PIAS1: variants seen among roughly 807,000 people sequenced by gnomAD.
The protein encoded by PIAS1 is protein inhibitor of activated STAT 1.
Under a neutral mutation model 71.3 loss-of-function variants are expected in PIAS1, and 6 were observed. That is an observed-to-expected ratio of 0.08 (90% CI 0.05 to 0.17). The LOEUF (loss-of-function observed/expected upper bound fraction) is 0.17. PIAS1 is among the 10% of genes least tolerant of loss of function. The pLI is 1.00. For synonymous variants in PIAS1, 303 were observed against 292.9 expected, an observed-to-expected ratio of 1.03 and a Z score of -0.35; for missense variants, 555 against 793.6, an observed-to-expected ratio of 0.70 and a Z score of 3.61.
In PIAS1 at chr15:68,098,244, A is replaced by G. The variant is rs1473432481; in HGVS notation, c.469+11494A>G. Among the ~76,000 whole-genome samples, 4 of 152,194 alleles carry G rather than the reference A, an allele frequency of 2.6e-5. No homozygotes were observed. In the East Asian group the frequency reaches 7.7e-4, roughly 29 times the overall value. ...TAACATAAACAGTTGATTAACACGT[A>G]TTTTGTATATGTATGTATTGTGTAC... On this transcript the variant is annotated intron_variant, in intron 2 of 13. Transcript: ENST00000249636.
intron 2 of PIAS1, among the ~76,000 whole-genome samples, chr15:68,111,856 A>G (rs2092525422): frequency 6.6e-6 from 1 of 152,180 alleles, no homozygotes; most frequent in South Asian, 2.1e-4. Flanking sequence ...ACTGTTAGAA[A>G]CAATTTGTGT....
chr15:68,090,927 G>GGTGTGTGTGTGTGTGT (rs10667510), intron 2 of PIAS1, among the ~76,000 whole-genome samples: 141 of 142,854 alleles, frequency 9.9e-4, no homozygotes, highest in East Asian at 4.0e-3. Context: ...GTCATTTACG[G>GGTGTGTGTGTGTGTGT]GTGTGTGTGT....
intron 1 of PIAS1, among the ~76,000 whole-genome samples, chr15:68,084,231 C>T (rs2092257869): frequency 6.6e-6 from 1 of 152,090 alleles, no homozygotes; most frequent in Non-Finnish European, 1.5e-5. Context: ...AAATAGTTCT[C>T]TTCAAAATTT....
At chr15:68,161,673 A>G (rs2092925490) in intron 7 of PIAS1, among the ~76,000 whole-genome samples, 1 of 152,070 alleles carries the variant, frequency 6.6e-6, no homozygotes, top group Non-Finnish European at 1.5e-5. Context: ...GGCTATGCCC[A>G]TATTCCCAAT....
chr15:68,182,057 G>C (rs2093056512), intron 12 of PIAS1, among the ~76,000 whole-genome samples: 2 of 152,084 alleles, frequency 1.3e-5, no homozygotes, highest in Non-Finnish European at 2.9e-5. Flanking sequence ...TTTAGATAAT[G>C]GTGAGTTGAG....
chr15:68,070,023 C>T (rs1477243553), intron 1 of PIAS1, among the ~76,000 whole-genome samples: 5 of 151,952 alleles, frequency 3.3e-5, no homozygotes, highest in Non-Finnish European at 7.4e-5. Context: ...TATATGCTTC[C>T]TAAAGGTAGT....
At chr15:68,158,072 A>G (rs1002572435) in intron 7 of PIAS1, among the ~76,000 whole-genome samples, 4 of 152,186 alleles carry the variant, frequency 2.6e-5, no homozygotes, top group Non-Finnish European at 5.9e-5. Context: ...ATACAGATCT[A>G]AAATCTTACC....
In PIAS1 at chr15:68,086,010, A is replaced by C. The variant is rs1192992645; in HGVS notation, c.25-296A>C. ...AGTAAGTGCTTGATAAATACCTGAC[A>C]GTTTCATCAAAACAGTGGAATAAAG... On this transcript the variant is annotated intron_variant, in intron 1 of 13. Transcript: ENST00000249636. This position sits in a 1 kb window ranked among gnomAD's most constrained non-coding sequence, Gnocchi z 7.2. Among the ~76,000 whole-genome samples, 5 of 152,178 alleles carry C rather than the reference A, an allele frequency of 3.3e-5. No individual in the cohort carries two copies. Among genetic ancestry groups the C allele is most frequent in the Non-Finnish European group, 4.4e-5 (3 of 68,038 alleles).
At chr15:68,078,338 G>A (rs533933101) in intron 1 of PIAS1, among the ~76,000 whole-genome samples, 1 of 152,212 alleles carries the variant, frequency 6.6e-6, no homozygotes, top group Non-Finnish European at 1.5e-5. Flanking sequence ...TACCTTACAT[G>A]TAGATAAATC....
chr15:68,156,552 C>CA (rs541842445), intron 7 of PIAS1, among the ~76,000 whole-genome samples: 182 of 151,532 alleles, frequency 1.2e-3, no homozygotes, highest in African/African-American at 4.1e-3. Flanking sequence ...ACTAAAAATA[C>CA]AAAAAAATTA....
At chr15:68,068,958 C>G (rs1261107877) in intron 1 of PIAS1, among the ~76,000 whole-genome samples, 1 of 140,196 alleles carries the variant, frequency 7.1e-6, no homozygotes, top group African/African-American at 2.7e-5. Context: ...TGCAGTGGCA[C>G]AATATTGGCT....
chr15:68,054,431 T>TG lies in PIAS1; in HGVS notation c.24+87dup, dbSNP rs1247278672. On this transcript the variant is annotated intron_variant, in intron 1 of 13. Coordinates refer to ENST00000249636, the MANE Select transcript of PIAS1 (RefSeq NM_016166.3). This position sits in a 1 kb window ranked among gnomAD's most constrained non-coding sequence, Gnocchi z 4.6. ...CTGCCAGGGGGGATGGGTCCGACCC[T>TG]GGGGGGCCTCTCGGGCCTGACTCCA... is the stretch of plus-strand genomic sequence containing the variant. 1.0e-5 allele frequency: 15 copies of TG among 1,449,058 alleles called. No individual in the cohort carries two copies. Among genetic ancestry groups the TG allele is most frequent in the East Asian group, 7.6e-5 (3 of 39,644 alleles). The allele number at this position is 1,449,058 out of a possible 1,614,324, so 89.8% of individuals were successfully genotyped here.
chr15:68,084,502 A>G (rs1333984472), intron 1 of PIAS1, among the ~76,000 whole-genome samples: 1 of 152,196 alleles, frequency 6.6e-6, no homozygotes, highest in Non-Finnish European at 1.5e-5. Context: ...ATAACATTAA[A>G]AAGAGAAAAC....
chr15:68,097,292 G>A (rs1172911235), intron 2 of PIAS1, among the ~76,000 whole-genome samples: 4 of 152,100 alleles, frequency 2.6e-5, no homozygotes, highest in African/African-American at 9.7e-5. Context: ...TGAATTTGAA[G>A]TGTAGATATT....
intron 8 of PIAS1, among the ~76,000 whole-genome samples, chr15:68,172,253 T>A (rs922216894): frequency 1.3e-5 from 2 of 152,234 alleles, no homozygotes; most frequent in Non-Finnish European, 2.9e-5. Flanking sequence ...TCATCCTTTT[T>A]TATGGCTGCA....
intron 2 of PIAS1, among the ~76,000 whole-genome samples, chr15:68,099,247 G>A (rs957827057): frequency 6.7e-6 from 1 of 149,288 alleles, no homozygotes; most frequent in East Asian, 1.9e-4. Context: ...GACTATATAT[G>A]TATATATATT....
intron 1 of PIAS1, among the ~76,000 whole-genome samples, chr15:68,063,145 T>C (rs2091979659): frequency 6.6e-6 from 1 of 152,132 alleles, no homozygotes; most frequent in African/African-American, 2.4e-5. Context: ...TGAGGAGAAA[T>C]GGAATGCAGG....
At chr15:68,162,907 G>A (rs2092934320) in intron 7 of PIAS1, among the ~76,000 whole-genome samples, 1 of 152,160 alleles carries the variant, frequency 6.6e-6, no homozygotes, top group African/African-American at 2.4e-5. Context: ...AAGAGAAAGT[G>A]AATTTATTTT....
intron 1 of PIAS1, among the ~76,000 whole-genome samples, chr15:68,058,477 C>T (rs997923413): frequency 1.3e-5 from 2 of 152,134 alleles, no homozygotes; most frequent in Non-Finnish European, 2.9e-5. Context: ...ATAAAAGTGG[C>T]AGGGACTTGA....
Sources: allele counts gnomAD v4.1 joint callset (sites outside exome capture counted in the v4.1 genomes callset), GRCh38; gene constraint gnomAD v4.1.1; non-coding constraint Gnocchi (gnomAD v3.1); transcripts MANE v1.5; gene names NCBI Gene and HGNC (gene_info 2026-07-23, HGNC 2026-07-21).